PCDHGA2: variants seen among roughly 807,000 people sequenced by gnomAD.
PCDHGA2 encodes the protein protocadherin gamma-A2.
In PCDHGA2, 40 loss-of-function variants were observed where a neutral mutation model predicts 59.2. That is an observed-to-expected ratio of 0.68 (90% CI 0.52 to 0.88). The LOEUF (loss-of-function observed/expected upper bound fraction) is 0.88, where lower values mean the gene tolerates loss of function less well. PCDHGA2 is among the 40% of genes least tolerant of loss of function. The pLI is 0.00. For missense variants in PCDHGA2, 1,226 were observed against 1,204.0 expected (o/e 1.02, Z -0.27); for synonymous variants, 560 against 526.0 (o/e 1.06, Z -0.89).
chr5:141,430,587 T>C, intron 1 of PCDHGA2: 1 of 521,996 alleles, frequency 1.9e-6, no homozygotes, highest in Non-Finnish European at 3.1e-6. Context: ...CCTGCTCGCC[T>C]TGCACGCGCC....
At position 141,478,749 on chromosome 5, in the gene PCDHGA2, G is replaced by A. The variant is rs1306895064; in HGVS notation, c.2425-16058G>A. On this transcript the variant is annotated intron_variant, in intron 1 of 3. Coordinates refer to ENST00000394576, the MANE Select transcript of PCDHGA2 (RefSeq NM_018915.4). ...GAGTGTGGTTTGTGGTCCCATTTCA[G>A]GGGGAAGATACTTGACTCATCTGTG... The A allele has an allele frequency of 3.3e-6, 5 of 1,524,326 alleles. No homozygotes were observed. The South Asian group carries it at 6.4e-5, about 19-fold the overall frequency. The allele number at this position is 1,524,326 out of a possible 1,614,324, so 94.4% of individuals were successfully genotyped here.
rs779396801 is a variant in PCDHGA2 at position 141,339,248 on chromosome 5, G to A, written c.277G>A (p.Glu93Lys). 47 of 1,614,276 alleles carry A rather than the reference G, an allele frequency of 2.9e-5. No individual in the cohort carries two copies. Among genetic ancestry groups the A allele is most frequent in the Non-Finnish European group, 4.0e-5 (47 of 1,180,052 alleles). The change falls in exon 1 of 4, where the codon GAG (glutamate) becomes AAG (lysine). Residue 93 changes from glutamate to lysine, a missense_variant. Glu to Lys is a moderately conservative substitution (Grantham distance 56). Transcript: ENST00000394576. Reference protein sequence around the residue: ...SLVTANRIDREELCAQSAPCL... With the variant: ...SLVTANRIDRKELCAQSAPCL... ...GGTCACTGCGAACAGGATAGACCGGGAGGAGCTCTGCGCTCAGAGCGCACC... is the reference window on the plus strand; with the variant it reads ...GGTCACTGCGAACAGGATAGACCGGAAGGAGCTCTGCGCTCAGAGCGCACC...
At chr5:141,441,527 A>G (rs2098252922) in intron 1 of PCDHGA2, 2 of 173,076 alleles carry the variant, frequency 1.2e-5, no homozygotes, top group African/African-American at 2.4e-5. Flanking sequence ...GTGGCCAAGA[A>G]CAATCTTCCC....
intron 1 of PCDHGA2, among the ~76,000 whole-genome samples, chr5:141,380,091 G>T (rs538586012): frequency 6.6e-6 from 1 of 151,576 alleles, no homozygotes; most frequent in African/African-American, 2.4e-5. Flanking sequence ...GTAGAGATGG[G>T]GTTTTACCAT....
chr5:141,441,811 C>A (rs1007948586), intron 1 of PCDHGA2: 2 of 370,710 alleles, frequency 5.4e-6, no homozygotes, highest in African/African-American at 2.2e-5. Flanking sequence ...GTGCTGTACC[C>A]CAGCTCTGGA....
intron 3 of PCDHGA2, among the ~76,000 whole-genome samples, chr5:141,507,571 G>A (rs2099861692): frequency 6.6e-6 from 1 of 152,254 alleles, no homozygotes; most frequent in Non-Finnish European, 1.5e-5. Flanking sequence ...TGGGTCTGAG[G>A]AGATGCCAAG....
intron 1 of PCDHGA2, chr5:141,420,280 T>C: frequency 6.6e-7 from 1 of 1,513,274 alleles, no homozygotes; most frequent in Non-Finnish European, 8.9e-7. Context: ...AACAGGTAAG[T>C]ATTTAAAAAT....
chr5:141,351,733 C>A, intron 1 of PCDHGA2: 3 of 1,613,758 alleles, frequency 1.9e-6, no homozygotes, highest in Non-Finnish European at 2.5e-6. Context: ...TGGCCAGTGA[C>A]CTGGAGCCGC....
Position 141,489,331 on chromosome 5 carries a change from C to G in PCDHGA2, c.2425-5476C>G. ...CTGCTGGGGCTGGGTGTCTGGGCAG[C>G]TTCGTTACTCAGTGGTGGAGGAGTC... On this transcript the variant is annotated intron_variant, in intron 1 of 3. Coordinates refer to ENST00000394576, the MANE Select transcript of PCDHGA2 (RefSeq NM_018915.4). The surrounding 1 kb of genome is among the most constrained non-coding windows in gnomAD (Gnocchi z 4.5). 1 of 1,605,478 alleles carries G rather than the reference C, an allele frequency of 6.2e-7. No homozygotes were observed. Among genetic ancestry groups the G allele is most frequent in the Non-Finnish European group, 8.5e-7 (1 of 1,174,878 alleles).
Position 141,511,579 on chromosome 5 carries a change from G to T in PCDHGA2, c.*406G>T. The T allele has an allele frequency of 3.6e-6, 1 of 280,798 alleles. No individual in the cohort carries two copies. Among genetic ancestry groups the T allele is most frequent in the South Asian group, 4.1e-5 (1 of 24,614 alleles). 17.4% of individuals were successfully genotyped at this position (280,798 alleles called of 1,614,324 possible). On this transcript the variant is annotated 3_prime_UTR_variant, in exon 4 of 4. Transcript: ENST00000394576. Reference sequence around the variant, plus strand: ...CCTCTTTCCCGAGTAAGGTGGTTGGGGTGTTGAAGTACCAAGTAACCTACA... The same window carrying T: ...CCTCTTTCCCGAGTAAGGTGGTTGGTGTGTTGAAGTACCAAGTAACCTACA...
chr5:141,366,800 C>T (rs1243230147), intron 1 of PCDHGA2: 5 of 1,565,238 alleles, frequency 3.2e-6, no homozygotes, highest in Non-Finnish European at 4.3e-6. Context: ...TCATTTGTTT[C>T]CTTTTTCATG....
chr5:141,439,800 T>C (rs1393580217), intron 1 of PCDHGA2: 1 of 152,300 alleles, frequency 6.6e-6, no homozygotes, highest in Admixed American at 6.5e-5. Context: ...CAAGAAGAGT[T>C]TGAAAAGGGG....
At chr5:141,374,310 C>G (rs770058469) in intron 1 of PCDHGA2, 4 of 1,614,006 alleles carry the variant, frequency 2.5e-6, no homozygotes, top group South Asian at 1.1e-5. Flanking sequence ...CAGCTTTTCT[C>G]TCTGAATCCG....
chr5:141,341,169 C>T lies in PCDHGA2; in HGVS notation c.2198C>T (p.Thr733Ile), dbSNP rs771372652. Residue 733 changes from threonine (T) to isoleucine (I), a missense_variant, in exon 1 of 4, where the codon ACA (threonine) becomes ATA (isoleucine). Coordinates refer to ENST00000394576, the MANE Select transcript of PCDHGA2 (RefSeq NM_018915.4). ...RLLQASGGSL[T>I]GMQSSHFVGV... The stretch of plus-strand genomic sequence containing the variant: ...CTGCAGGCTTCAGGAGGCAGCTTGA[C>T]AGGCATGCAGAGCTCGCACTTTGTG... 2 of 1,614,196 alleles carry T rather than the reference C, an allele frequency of 1.2e-6. No individual in the cohort carries two copies. Among genetic ancestry groups the T allele is most frequent in the Non-Finnish European group, 1.7e-6 (2 of 1,180,010 alleles).
rs762866893 is a variant in PCDHGA2 at position 141,389,080 on chromosome 5, C to G, written c.2424+47685C>G. ...AAAATATTAACTTCTTCAAGAAACA[C>G]GTATAAATTAGTGACAGATGCTGTT... On this transcript the variant is annotated intron_variant, in intron 1 of 3. Transcript: ENST00000394576. 7 of 1,613,984 alleles carry G rather than the reference C, an allele frequency of 4.3e-6. No individual in the cohort carries two copies. The South Asian group carries it at 5.5e-5, about 13-fold the overall frequency.
intron 1 of PCDHGA2, chr5:141,350,053 A>G (rs1758397235): frequency 2.5e-6 from 1 of 403,962 alleles, no homozygotes; most frequent in East Asian, 3.6e-5. Flanking sequence ...CTGTCGACCA[A>G]AAGGAAGTGA....
chr5:141,360,775 G>A lies in PCDHGA2; in HGVS notation c.2424+19380G>A. 1.2e-6 allele frequency: 2 copies of A among 1,613,924 alleles called. 1 individual carries two copies. The highest frequency in any genetic ancestry group is 2.2e-5 in the South Asian group (2 of 91,086). On this transcript the variant is annotated intron_variant, in intron 1 of 3. Coordinates refer to ENST00000394576, the MANE Select transcript of PCDHGA2 (RefSeq NM_018915.4). ...CAGTTTACATCAATTGGTCCTCACA[G>A]CTGTGGATGGCGGAGACCCACCTCA...
In PCDHGA2 at chr5:141,421,516, T is replaced by G. The variant is rs199973694; in HGVS notation, c.2425-73291T>G. On this transcript the variant is annotated intron_variant, in intron 1 of 3. Transcript: ENST00000394576. Reference sequence around the variant, plus strand: ...AGGCAGGATAGACCGGGAGGAGCTCTGTGAGACGGTGTCCTCCTGTTTTTT... The same window carrying G: ...AGGCAGGATAGACCGGGAGGAGCTCGGTGAGACGGTGTCCTCCTGTTTTTT... 1.4e-5 allele frequency: 22 copies of G among 1,614,064 alleles called. No homozygotes were observed. The East Asian group carries it at 4.9e-4, about 36-fold the overall frequency.
chr5:141,508,241 T>G (rs1475142426), intron 3 of PCDHGA2: 2 of 152,286 alleles, frequency 1.3e-5, no homozygotes, highest in East Asian at 3.9e-4. Context: ...CTCCTAAGTC[T>G]GCCTCTCCTG....
Sources: gnomAD v4.1 joint callset for allele counts (sites outside exome capture counted in the v4.1 genomes callset) on GRCh38, gnomAD v4.1.1 for gene constraint, Gnocchi (gnomAD v3.1) non-coding constraint, MANE v1.5 for transcripts, NCBI Gene and HGNC (gene_info 2026-07-23, HGNC 2026-07-21) for gene names.